ZNF808: variants seen among roughly 807,000 people sequenced by gnomAD.
The protein encoded by ZNF808 is zinc finger protein 808.
In ZNF808, 5 loss-of-function variants were observed where a neutral mutation model predicts 8.7. The observed-to-expected ratio is 0.58, with a 90% CI of 0.30 to 1.21. The LOEUF is 1.21. Ranked by LOEUF, ZNF808 falls within the 50% of genes most tolerant of loss-of-function variation. The pLI is 0.07. For synonymous variants in ZNF808, 380 were observed against 366.0 expected (o/e 1.04, Z -0.44); for missense variants, 1,103 against 1,098.4 (o/e 1.00, Z -0.06).
At chr19:52,567,817 G>C (rs1329548473), downstream of ZNF808, among the ~76,000 whole-genome samples, 1 of 151,926 alleles carries the variant, frequency 6.6e-6, no homozygotes, top group African/African-American at 2.4e-5. Context: ...GAGCCACCGC[G>C]CCCGGCCTGA....
chr19:52,529,913 T>TATATATATA (rs202165634), intron 1 of ZNF808, among the ~76,000 whole-genome samples: 3 of 81,812 alleles, frequency 3.7e-5, no homozygotes, highest in Non-Finnish European at 6.6e-5. Context: ...ATATATATAT[T>TATATATATA]TTTTTTTTTT....
chr19:52,549,304 A>G (rs576433773), intron 4 of ZNF808, among the ~76,000 whole-genome samples: 1 of 152,070 alleles, frequency 6.6e-6, no homozygotes, highest in Admixed American at 6.6e-5. Flanking sequence ...ACACATCTCT[A>G]CCTACTGTGC....
chr19:52,536,715 A>C (rs373009447), intron 2 of ZNF808, among the ~76,000 whole-genome samples: 177 of 152,266 alleles, frequency 1.2e-3, no homozygotes, highest in African/African-American at 3.9e-3. Context: ...CAATGAGAAC[A>C]GAGGGAGAAA....
chr19:52,549,079 C>A (rs1295342822), intron 4 of ZNF808, among the ~76,000 whole-genome samples: 1 of 152,068 alleles, frequency 6.6e-6, no homozygotes, highest in Non-Finnish European at 1.5e-5. Context: ...CCAGGTCAAG[C>A]AATCTCATAC....
At chr19:52,541,233 A>T (rs1226099014) in intron 2 of ZNF808, among the ~76,000 whole-genome samples, 1 of 148,068 alleles carries the variant, frequency 6.8e-6, no homozygotes, top group Non-Finnish European at 1.5e-5. Context: ...TACAGATGTG[A>T]TCCACCCCGC....
In ZNF808 at chr19:52,555,713, T is replaced by A; in HGVS notation, c.*85T>A. ...CCATGATGAAGAGAAATCTTCTGAG[T>A]GTAATAAATGTGGCATGTTTTTCAG... On this transcript the variant is annotated 3_prime_UTR_variant, in exon 5 of 5. Transcript: ENST00000359798. 2 of 1,528,522 alleles carry A rather than the reference T, an allele frequency of 1.3e-6. No individual in the cohort carries two copies. The highest frequency in any genetic ancestry group is 1.8e-6 in the Non-Finnish European group (2 of 1,129,800). 94.7% of individuals were successfully genotyped at this position (1,528,522 alleles called of 1,614,324 possible).
chr19:52,568,016 C>G (rs1003928305), downstream of ZNF808, among the ~76,000 whole-genome samples: 1 of 152,142 alleles, frequency 6.6e-6, no homozygotes, highest in Non-Finnish European at 1.5e-5. Flanking sequence ...TTAAATAATT[C>G]GGAACCTTGA....
chr19:52,536,509 C>T (rs1342687524), intron 2 of ZNF808, among the ~76,000 whole-genome samples: 1 of 152,124 alleles, frequency 6.6e-6, no homozygotes, highest in Admixed American at 6.5e-5. Context: ...CCCCTACATC[C>T]CCCCTCGTGG....
chr19:52,542,963 G>GC (rs2059686109), intron 2 of ZNF808, among the ~76,000 whole-genome samples: 2 of 151,350 alleles, frequency 1.3e-5, no homozygotes, highest in African/African-American at 4.9e-5. Context: ...TTTTTTGGGG[G>GC]GGGGGTGGAG....
downstream of ZNF808, among the ~76,000 whole-genome samples, chr19:52,561,206 CTCTCTCTATATATATATATA>C (rs2059856717): frequency 1.4e-4 from 5 of 35,340 alleles, no homozygotes; most frequent in Admixed American, 4.1e-4. Flanking sequence ...CTCTCTCTCT[CTCTCTCTATATATATATATA>C]TATATATATA....
At chr19:52,535,371 G>A (rs935391927) in intron 2 of ZNF808, among the ~76,000 whole-genome samples, 1 of 148,682 alleles carries the variant, frequency 6.7e-6, no homozygotes, top group East Asian at 2.0e-4. Context: ...AAAAGGAAAA[G>A]AGCGAGGGAG....
chr19:52,529,386 G>C (rs2123052230), intron 1 of ZNF808, among the ~76,000 whole-genome samples: 1 of 152,168 alleles, frequency 6.6e-6, no homozygotes, highest in South Asian at 2.1e-4. Flanking sequence ...TGTCTCAAAA[G>C]AAAAAATGGG....
At chr19:52,545,251 C>T (rs2059709851) in intron 3 of ZNF808, among the ~76,000 whole-genome samples, 1 of 152,036 alleles carries the variant, frequency 6.6e-6, no homozygotes, top group East Asian at 1.9e-4. Flanking sequence ...TTCACTGTAG[C>T]CTCTGACTCC....
intron 4 of ZNF808, among the ~76,000 whole-genome samples, chr19:52,548,872 A>G (rs12978707): frequency 6.6e-6 from 1 of 152,138 alleles, no homozygotes; most frequent in Admixed American, 6.6e-5. Context: ...AATCCCAGCA[A>G]TTTGGAAGGC....
Position 52,553,988 on chromosome 19 carries a change from CT to C in ZNF808, c.1075del (p.Ser359HisfsTer10). On this transcript the variant is annotated frameshift_variant, in exon 5 of 5. Coordinates refer to ENST00000359798, the MANE Select transcript of ZNF808 (RefSeq NM_001039886.4). LOFTEE classifies it low-confidence loss of function (END_TRUNC). Reference protein sequence around the residue: ...CGKAFNQQSHLSRHQRLHTGV... With the variant: ...CGKAFNQQSHXSRHQRLHTGV... ...CAAGGCTTTTAATCAACAATCACAC[CT>C]TTCACGCCATCAAAGACTTCATACT... 2 of 1,614,142 alleles carry C rather than the reference CT, an allele frequency of 1.2e-6. No homozygotes were observed. The highest frequency in any genetic ancestry group is 1.7e-6 in the Non-Finnish European group (2 of 1,180,016).
Position 52,539,634 on chromosome 19 carries a change from A to G in ZNF808, c.-19-3632A>G, listed in dbSNP as rs190478308. Among the ~76,000 whole-genome samples, 109 of 137,576 alleles carry G rather than the reference A, an allele frequency of 7.9e-4. 2 individuals carry two copies. In the East Asian group the frequency reaches 0.022, roughly 28 times the overall value. 90.3% of individuals were successfully genotyped at this position (137,576 alleles called of 152,430 possible). On this transcript the variant is annotated intron_variant, in intron 2 of 4. Coordinates refer to ENST00000359798, the MANE Select transcript of ZNF808 (RefSeq NM_001039886.4). ...CAATGGTGCGATCTTGCTCACTGCA[A>G]CCTTTGCCTCTGGGGTTCAAGTGAT...
At chr19:52,549,124 C>T (rs1413974681) in intron 4 of ZNF808, among the ~76,000 whole-genome samples, 1 of 152,116 alleles carries the variant, frequency 6.6e-6, no homozygotes, top group Non-Finnish European at 1.5e-5. Flanking sequence ...TACACACATG[C>T]ACCACCATGC....
chr19:52,547,192 C>T (rs1220580908), intron 3 of ZNF808, among the ~76,000 whole-genome samples: 2 of 152,038 alleles, frequency 1.3e-5, no homozygotes, highest in Non-Finnish European at 2.9e-5. Flanking sequence ...AAATAATCTG[C>T]CCAACTTGGC....
At position 52,554,308 on chromosome 19, in the gene ZNF808, C is replaced by A. The variant is rs771923029; in HGVS notation, c.1392C>A (p.Phe464Leu). 1 of 1,613,994 alleles carries A rather than the reference C, an allele frequency of 6.2e-7. No homozygotes were observed. The highest frequency in any genetic ancestry group is 8.5e-7 in the Non-Finnish European group (1 of 1,179,988). Residue 464 changes from phenylalanine (F) to leucine (L), a missense_variant, in exon 5 of 5, where the codon TTC becomes TTA. Transcript: ENST00000359798. ...AATGTAAGGTTTGTGATACAGCTTT[C>A]ACGTGTAATTCACAGCTGGCACGAC... is the stretch of plus-strand genomic sequence containing the variant. Reference protein sequence around the residue: ...PYKCKVCDTAFTCNSQLARHR... With the variant: ...PYKCKVCDTALTCNSQLARHR...
Sources: gnomAD v4.1 joint callset for allele counts (sites outside exome capture counted in the v4.1 genomes callset) on GRCh38, gnomAD v4.1.1 for gene constraint, MANE v1.5 for transcripts, NCBI Gene and HGNC (gene_info 2026-07-23, HGNC 2026-07-21) for gene names.